DDX31: variants seen among roughly 807,000 people sequenced by gnomAD.
DDX31 encodes ATP-dependent DNA helicase DDX31.
DDX31 carries 70 observed loss-of-function variants against 91.3 expected under a neutral mutation model. The ratio of observed to expected loss-of-function variants is 0.77; its 90% confidence interval spans 0.63 to 0.94. DDX31 has a LOEUF of 0.94. Among genes scored for constraint, DDX31 ranks in the 40% least tolerant of loss-of-function variants. DDX31 has a pLI of 0.00. For synonymous variants in DDX31, 362 were observed against 350.6 expected, an observed-to-expected ratio of 1.03 and a Z score of -0.36; for missense variants, 902 against 925.0, an observed-to-expected ratio of 0.98 and a Z score of 0.32.
At chr9:132,669,055 G>A (rs1835520504) in intron 1 of DDX31, among the ~76,000 whole-genome samples, 1 of 152,138 alleles carries the variant, frequency 6.6e-6, no homozygotes, top group South Asian at 2.1e-4. Flanking sequence ...AAAATGCTCA[G>A]GTTAAGATAA....
Position 132,630,337 on chromosome 9 carries a change from G to C in DDX31, c.1558C>G (p.His520Asp), listed in dbSNP as rs780782677. The C allele has an allele frequency of 5.0e-6, 8 of 1,604,702 alleles. No homozygotes were observed. Among genetic ancestry groups the C allele is most frequent in the Non-Finnish European group, 6.8e-6 (8 of 1,172,296 alleles). Residue 520 changes from histidine to aspartate, a missense_variant, in exon 16 of 20, where the codon CAT becomes GAT. Physicochemically the swap from His to Asp is moderately conservative, Grantham distance 81. Transcript: ENST00000372159. ...GCCAAAATGAGCAGGCTGCTCCCAT[G>C]GCAGCCAATCCGGGCGGTTCTTCCA... is the stretch of plus-strand genomic sequence containing the variant. Reference protein sequence around the residue: ...RIGRTARIGCHGSSLLILAPS... With the variant: ...RIGRTARIGCDGSSLLILAPS...
intron 6 of DDX31, among the ~76,000 whole-genome samples, chr9:132,653,790 T>C (rs1030888051): frequency 6.6e-6 from 1 of 152,016 alleles, no homozygotes; most frequent in Non-Finnish European, 1.5e-5. Flanking sequence ...CAAATGTGTA[T>C]ATATAAAATA....
intron 6 of DDX31, among the ~76,000 whole-genome samples, chr9:132,653,047 A>G (rs942955693): frequency 6.6e-6 from 1 of 152,164 alleles, no homozygotes; most frequent in African/African-American, 2.4e-5. Context: ...CAATCAGACA[A>G]GAAATATGAT....
Position 132,612,289 on chromosome 9 carries a change from A to G in DDX31, c.1826-34T>C, listed in dbSNP as rs749663144. ...AAAGAGAGCGGGGAGGGAAGCTGTC[A>G]GGACCGGGGTCTCCAAGCTCCAAAG... On this transcript the variant is annotated intron_variant, in intron 18 of 19. Transcript: ENST00000372159. The G allele has an allele frequency of 3.1e-6, 5 of 1,613,170 alleles. No individual in the cohort carries two copies. The South Asian group carries it at 4.4e-5, about 14-fold the overall frequency.
At chr9:132,661,135 C>T in intron 4 of DDX31, 73 bp downstream of exon 4, 1 of 1,375,824 alleles carries the variant, frequency 7.3e-7, no homozygotes, top group Middle Eastern at 1.8e-4. Context: ...TTTGCTCTGC[C>T]TTGCACACAC....
intron 19 of DDX31, among the ~76,000 whole-genome samples, chr9:132,606,546 T>A (rs1323969589): frequency 6.6e-6 from 1 of 152,246 alleles, no homozygotes; most frequent in Non-Finnish European, 1.5e-5. Flanking sequence ...GTCGTTGTGA[T>A]GATCACCAGA....
chr9:132,641,177 G>C (rs1185522228), intron 14 of DDX31, among the ~76,000 whole-genome samples: 1 of 152,156 alleles, frequency 6.6e-6, no homozygotes, highest in Non-Finnish European at 1.5e-5. Flanking sequence ...ACTGAATATG[G>C]AATACAAGTT....
intron 8 of DDX31, 102 bp from the exon 9 acceptor site, chr9:132,650,400 T>A: frequency 9.3e-7 from 1 of 1,075,900 alleles, no homozygotes; most frequent in Non-Finnish European, 1.4e-6. Flanking sequence ...GGGAGAAAAC[T>A]GGTGCTTCTC....
intron 19 of DDX31, among the ~76,000 whole-genome samples, chr9:132,611,838 G>A (rs935774950): frequency 2.6e-5 from 4 of 151,908 alleles, no homozygotes; most frequent in Admixed American, 6.6e-5. Context: ...TTTCCAGGGC[G>A]GACCGCAGCA....
chr9:132,639,807 G>A (rs1833371605), intron 14 of DDX31, among the ~76,000 whole-genome samples: 1 of 152,172 alleles, frequency 6.6e-6, no homozygotes, highest in Non-Finnish European at 1.5e-5. Flanking sequence ...ATGGGTCAAA[G>A]ATAAAATATT....
At chr9:132,652,393 G>T (rs1304766305) in intron 7 of DDX31, 55 bp downstream of exon 7, 6 of 1,607,696 alleles carry the variant, frequency 3.7e-6, no homozygotes, top group Non-Finnish European at 5.1e-6. Flanking sequence ...TAAATTCAAC[G>T]GGACATTAGT....
chr9:132,632,445 A>T (rs952001958), intron 14 of DDX31, among the ~76,000 whole-genome samples: 1 of 152,158 alleles, frequency 6.6e-6, no homozygotes, highest in Non-Finnish European at 1.5e-5. Flanking sequence ...TAGCCTAGGA[A>T]CTTAAACAGT....
At chr9:132,654,100 G>A (rs997020387) in intron 6 of DDX31, among the ~76,000 whole-genome samples, 1 of 152,088 alleles carries the variant, frequency 6.6e-6, no homozygotes, top group African/African-American at 2.4e-5. Context: ...AGCTGGAATT[G>A]TCCTTTTAAC....
chr9:132,636,375 G>T (rs1316910572), intron 14 of DDX31, among the ~76,000 whole-genome samples: 3 of 152,222 alleles, frequency 2.0e-5, no homozygotes, highest in Non-Finnish European at 4.4e-5. Flanking sequence ...CTCTTGTGAA[G>T]AACTGATTTC....
chr9:132,634,142 T>G (rs1249762685), intron 14 of DDX31, among the ~76,000 whole-genome samples: 1 of 152,224 alleles, frequency 6.6e-6, no homozygotes, highest in African/African-American at 2.4e-5. Flanking sequence ...TGGTTATCTC[T>G]GGACAGAGGG....
intron 9 of DDX31, among the ~76,000 whole-genome samples, chr9:132,649,523 AC>A (rs1212887567): frequency 1.6e-4 from 25 of 152,234 alleles, no homozygotes; most frequent in Admixed American, 1.6e-3. Context: ...CCAGCCTTGG[AC>A]TGGCTCTGTC....
chr9:132,668,787 C>A (rs1835495342), intron 1 of DDX31, among the ~76,000 whole-genome samples: 1 of 152,176 alleles, frequency 6.6e-6, no homozygotes, highest in South Asian at 2.1e-4. Flanking sequence ...CCAGGATGGT[C>A]TCGATCTCCT....
chr9:132,643,884 C>T (rs1833654686), intron 13 of DDX31, among the ~76,000 whole-genome samples: 1 of 151,702 alleles, frequency 6.6e-6, no homozygotes, highest in South Asian at 2.1e-4. Context: ...TATGAAACAC[C>T]TTAAAGACTA....
At chr9:132,610,151 C>T (rs1487115180) in intron 19 of DDX31, among the ~76,000 whole-genome samples, 1 of 152,134 alleles carries the variant, frequency 6.6e-6, no homozygotes, top group Non-Finnish European at 1.5e-5. Flanking sequence ...TCCCAGGCCC[C>T]GCAGCCTAGA....
Sources: allele counts gnomAD v4.1 joint callset (sites outside exome capture counted in the v4.1 genomes callset), GRCh38; gene constraint gnomAD v4.1.1; transcripts MANE v1.5; gene names NCBI Gene and HGNC (gene_info 2026-07-23, HGNC 2026-07-21).